CERKL: variants seen among roughly 807,000 people sequenced by gnomAD.
The protein encoded by CERKL is ceramide kinase-like protein.
CERKL carries 61 observed loss-of-function variants against 63.4 expected under a neutral mutation model. The ratio of observed to expected loss-of-function variants is 0.96; its 90% CI spans 0.78 to 1.19. The LOEUF is 1.19. Among genes scored for constraint, CERKL ranks in the 50% most tolerant of loss-of-function variants. The pLI is 0.00. For synonymous variants in CERKL, 250 were observed against 230.5 expected (o/e 1.08, Z -0.77); for missense variants, 675 against 655.5 (o/e 1.03, Z -0.33).
chr2:181,559,304 A>G (rs536168184), intron 4 of CERKL, among the ~76,000 whole-genome samples: 2 of 152,322 alleles, frequency 1.3e-5, no homozygotes, highest in South Asian at 4.1e-4. Context: ...TACTACTAGT[A>G]TATTTTTTAA....
chr2:181,581,035 C>A (rs1473106266), intron 2 of CERKL, among the ~76,000 whole-genome samples: 2 of 152,154 alleles, frequency 1.3e-5, no homozygotes, highest in Non-Finnish European at 2.9e-5. Context: ...GGAGGCAACC[C>A]AGGTTTCCTC....
chr2:181,565,578 C>A (rs879073577), intron 4 of CERKL: 2 of 1,161,060 alleles, frequency 1.7e-6, no homozygotes, highest in South Asian at 2.5e-5. Context: ...CTTATTGTTT[C>A]TGGAAATAAT....
intron 2 of CERKL, among the ~76,000 whole-genome samples, chr2:181,585,578 C>T (rs997681385): frequency 1.3e-5 from 2 of 151,966 alleles, no homozygotes; most frequent in African/African-American, 4.8e-5. Flanking sequence ...AAATATTTAG[C>T]ATGAAAAAAC....
At chr2:181,563,066 T>C (rs34242708) in intron 4 of CERKL, among the ~76,000 whole-genome samples, 1 of 152,162 alleles carries the variant, frequency 6.6e-6, no homozygotes, top group Non-Finnish European at 1.5e-5. Context: ...TTTTTAAAAC[T>C]ATACTCACAC....
At chr2:181,588,119 A>G (rs1204327026) in intron 2 of CERKL, among the ~76,000 whole-genome samples, 1 of 152,178 alleles carries the variant, frequency 6.6e-6, no homozygotes, top group Non-Finnish European at 1.5e-5. Context: ...TGTGGTATGA[A>G]CAGAAAATCT....
At chr2:181,549,782 T>G (rs1687908040) in intron 5 of CERKL, 74 bp from the exon 6 acceptor site, 1 of 935,862 alleles carries the variant, frequency 1.1e-6, no homozygotes, top group Non-Finnish European at 1.8e-6. Context: ...TTACTTTATG[T>G]AGATGTCATT....
At chr2:181,618,936 G>T (rs1686332019) in intron 1 of CERKL, among the ~76,000 whole-genome samples, 1 of 152,142 alleles carries the variant, frequency 6.6e-6, no homozygotes, top group Admixed American at 6.5e-5. Context: ...TTTATGCATT[G>T]CATCTTTCTT....
chr2:181,565,072 AAAAT>A (rs947837828), intron 4 of CERKL, among the ~76,000 whole-genome samples: 2 of 152,128 alleles, frequency 1.3e-5, no homozygotes, highest in African/African-American at 4.8e-5. Context: ...CCTCATCCAA[AAAAT>A]AAATAAATAA....
chr2:181,538,342 TAACA>T (rs979478829), intron 12 of CERKL, 98 bp from the exon 13 acceptor site: 1 of 705,856 alleles, frequency 1.4e-6, no homozygotes, highest in Non-Finnish European at 2.6e-6. Flanking sequence ...TACAAATTGA[TAACA>T]AACACAGCAT....
At chr2:181,547,560 T>C in intron 10 of CERKL, 58 bp downstream of exon 10, 1 of 1,407,878 alleles carries the variant, frequency 7.1e-7, no homozygotes, top group African/African-American at 1.4e-5. Flanking sequence ...TTGGATACCC[T>C]GGAAAAAAAA....
intron 2 of CERKL, 129 bp downstream of exon 2, chr2:181,603,708 G>A (rs771510199): frequency 2.0e-5 from 19 of 971,592 alleles, no homozygotes; most frequent in Admixed American, 3.4e-5. Flanking sequence ...ACTTTCTCAC[G>A]ACAAAAACTA....
chr2:181,570,971 T>G (rs1688876848), intron 3 of CERKL, among the ~76,000 whole-genome samples: 1 of 152,164 alleles, frequency 6.6e-6, no homozygotes, highest in Non-Finnish European at 1.5e-5. Flanking sequence ...TCTGCTTTAC[T>G]CTTCCATATA....
chr2:181,594,951 G>T (rs950779509), intron 2 of CERKL, among the ~76,000 whole-genome samples: 2 of 152,064 alleles, frequency 1.3e-5, no homozygotes, highest in Admixed American at 6.6e-5. Flanking sequence ...AATGCTGGGG[G>T]CTTAATGATT....
At chr2:181,592,474 T>C (rs947391017) in intron 2 of CERKL, among the ~76,000 whole-genome samples, 5 of 152,202 alleles carry the variant, frequency 3.3e-5, no homozygotes, top group Non-Finnish European at 4.4e-5. Flanking sequence ...TATTGGCACC[T>C]ATCACTTTTT....
intron 6 of CERKL, among the ~76,000 whole-genome samples, chr2:181,549,087 T>C (rs1227200078): frequency 1.3e-5 from 2 of 152,212 alleles, no homozygotes; most frequent in Non-Finnish European, 2.9e-5. Context: ...TTTCAGCTTA[T>C]TGCTATTTCC....
At chr2:181,617,393 T>C (rs984765299) in intron 1 of CERKL, 6 of 152,214 alleles carry the variant, frequency 3.9e-5, no homozygotes, top group Admixed American at 6.5e-5. Context: ...GACTCTGGTA[T>C]TGAGGCAGCA....
chr2:181,551,605 C>T (rs992684534), intron 5 of CERKL, among the ~76,000 whole-genome samples: 8 of 151,966 alleles, frequency 5.3e-5, no homozygotes, highest in African/African-American at 1.7e-4. Flanking sequence ...ATCAAAACCA[C>T]ACTCACACCA....
chr2:181,577,579 GA>G (rs1684306512), intron 2 of CERKL, among the ~76,000 whole-genome samples: 1 of 152,156 alleles, frequency 6.6e-6, no homozygotes, highest in Non-Finnish European at 1.5e-5. Context: ...AAAGGAGGTT[GA>G]AAATAAAGGA....
intron 6 of CERKL, 109 bp from the exon 7 acceptor site, chr2:181,548,966 T>C (rs1215215985): frequency 5.6e-5 from 52 of 926,462 alleles, no homozygotes; most frequent in Admixed American, 8.2e-5. Context: ...CTAAAGGTAC[T>C]GTAGACCATG....
Sources: gnomAD v4.1 joint callset for allele counts (sites outside exome capture counted in the v4.1 genomes callset) on GRCh38, gnomAD v4.1.1 for gene constraint, MANE v1.5 for transcripts, NCBI Gene and HGNC (gene_info 2026-07-23, HGNC 2026-07-21) for gene names.